The following CAB39L variants were observed in gnomAD, a reference collection of about 807,000 sequenced individuals.
CAB39L encodes the protein calcium-binding protein 39-like.
Under a neutral mutation model 39.1 loss-of-function variants are expected in CAB39L, and 23 were observed. The ratio of observed to expected loss-of-function variants is 0.59; its 90% CI spans 0.42 to 0.83. The LOEUF is 0.83. Among genes scored for constraint, CAB39L ranks in the 40% least tolerant of loss-of-function variants. CAB39L has a pLI of 0.00. For synonymous variants in CAB39L, 126 were observed against 137.2 expected (o/e 0.92, Z 0.57); for missense variants, 366 against 391.9 (o/e 0.93, Z 0.56).
chr13:49,396,264 T>A (rs1027979610), intron 3 of CAB39L, among the ~76,000 whole-genome samples: 2 of 152,230 alleles, frequency 1.3e-5, no homozygotes, highest in Admixed American at 6.5e-5. Flanking sequence ...AAATGAACCT[T>A]CTTTTCCTCA....
At chr13:49,359,113 C>G (rs916430199) in intron 6 of CAB39L, among the ~76,000 whole-genome samples, 1 of 152,128 alleles carries the variant, frequency 6.6e-6, no homozygotes, top group Non-Finnish European at 1.5e-5. Flanking sequence ...CTGCTGTCCT[C>G]AAGCTTTGCT....
intron 10 of CAB39L, among the ~76,000 whole-genome samples, chr13:49,327,335 G>T (rs886146652): frequency 6.6e-6 from 1 of 151,986 alleles, no homozygotes; most frequent in Non-Finnish European, 1.5e-5. Flanking sequence ...ACAGAGTCTC[G>T]CTCAGTCACC....
intron 5 of CAB39L, among the ~76,000 whole-genome samples, chr13:49,371,344 T>A (rs977036611): frequency 5.9e-5 from 9 of 152,090 alleles, no homozygotes; most frequent in African/African-American, 2.2e-4. Flanking sequence ...CATGCCACCA[T>A]GGCCACGGCT....
chr13:49,352,114 T>C (rs967370304), intron 6 of CAB39L, among the ~76,000 whole-genome samples: 7 of 152,068 alleles, frequency 4.6e-5, no homozygotes, highest in South Asian at 2.1e-4. Context: ...TGTGGACTGA[T>C]TGACTCACTT....
At chr13:49,442,769 C>T (rs964526793) in intron 1 of CAB39L, among the ~76,000 whole-genome samples, 1 of 122,716 alleles carries the variant, frequency 8.1e-6, no homozygotes, top group African/African-American at 3.5e-5. Flanking sequence ...CCAGCATAGG[C>T]GACAAGAGAC....
chr13:49,440,998 G>C lies in CAB39L; in HGVS notation c.-246+2988C>G, dbSNP rs75747075. ...TGCCTTTTGTTTCTCTTGCCTGATTGCTCTGGCTAGAACTTCCTACGTATC... is the reference window on the plus strand; with the variant it reads ...TGCCTTTTGTTTCTCTTGCCTGATTCCTCTGGCTAGAACTTCCTACGTATC... On this transcript the variant is annotated intron_variant, in intron 1 of 10. Transcript: ENST00000409308. Among the ~76,000 whole-genome samples the C allele has an allele frequency of 1.9e-3, 287 of 151,832 alleles. 3 individuals are homozygous for C. The East Asian group carries it at 0.025, about 13-fold the overall frequency.
At chr13:49,416,165 G>C (rs1453584038) in intron 3 of CAB39L, among the ~76,000 whole-genome samples, 1 of 152,184 alleles carries the variant, frequency 6.6e-6, no homozygotes, top group East Asian at 1.9e-4. Context: ...TTCATGGATG[G>C]GGAGGTGCAA....
At chr13:49,351,043 A>G in intron 6 of CAB39L, 131 bp from the exon 7 acceptor site, 4 of 597,718 alleles carry the variant, frequency 6.7e-6, no homozygotes, top group Non-Finnish European at 1.0e-5. Context: ...TTCATTCAAT[A>G]TCCACTGAAG....
intron 5 of CAB39L, among the ~76,000 whole-genome samples, chr13:49,362,593 G>A (rs764832521): frequency 3.3e-5 from 5 of 151,528 alleles, no homozygotes; most frequent in Non-Finnish European, 5.9e-5. Context: ...GAATGCCTAC[G>A]AGATCTAGGA....
In CAB39L at chr13:49,390,370, A is replaced by C. The variant is rs1293904991; in HGVS notation, c.-31-7429T>G. On this transcript the variant is annotated intron_variant, in intron 3 of 10. Transcript: ENST00000409308. ...TAAGTGATCCTCCCACCTCAGCCTTACAAAGTCCTGGGATAATAGGCGTGA... is the reference window on the plus strand; with the variant it reads ...TAAGTGATCCTCCCACCTCAGCCTTCCAAAGTCCTGGGATAATAGGCGTGA... Among the ~76,000 whole-genome samples, 61 of 152,138 alleles carry C rather than the reference A, an allele frequency of 4.0e-4. 1 individual carries two copies. Among genetic ancestry groups the C allele is most frequent in the Non-Finnish European group, 1.5e-5 (1 of 68,028 alleles).
chr13:49,416,568 C>T (rs1254121034), intron 3 of CAB39L, among the ~76,000 whole-genome samples: 1 of 152,144 alleles, frequency 6.6e-6, no homozygotes, highest in East Asian at 1.9e-4. Context: ...GACCTGTAGG[C>T]ACTATGTAAC....
chr13:49,385,731 CAG>C (rs1238884053), intron 3 of CAB39L, among the ~76,000 whole-genome samples: 3 of 152,148 alleles, frequency 2.0e-5, no homozygotes, highest in Non-Finnish European at 4.4e-5. Flanking sequence ...GAAAGTGAGA[CAG>C]GGGAACGGCC....
chr13:49,327,602 A>C (rs9535202), intron 10 of CAB39L, among the ~76,000 whole-genome samples: 45,443 of 151,922 alleles, frequency 0.3, 8,288 homozygotes, highest in African/African-American at 0.52. Flanking sequence ...CCATGCCCGG[A>C]TTCCATGCAT....
chr13:49,340,866 C>T (rs1037629352), intron 8 of CAB39L, among the ~76,000 whole-genome samples: 1 of 152,126 alleles, frequency 6.6e-6, no homozygotes, highest in African/African-American at 2.4e-5. Context: ...TCTCAGAGCT[C>T]GCATTCAGGC....
rs576641445 is a variant in CAB39L at position 49,367,143 on chromosome 13, T to C, written c.277-7311A>G. On this transcript the variant is annotated intron_variant, in intron 5 of 10. Transcript: ENST00000409308. Reference sequence around the variant, plus strand: ...GAGTTTGAGAGTAGCCTGGGCAACATAGCAAGACCCCATCTCTACTTAAAA... The same window carrying C: ...GAGTTTGAGAGTAGCCTGGGCAACACAGCAAGACCCCATCTCTACTTAAAA... Among the ~76,000 whole-genome samples, 12 of 152,080 alleles carry C rather than the reference T, an allele frequency of 7.9e-5. No homozygotes were observed. In the South Asian group the frequency reaches 2.3e-3, roughly 29 times the overall value.
intron 7 of CAB39L, among the ~76,000 whole-genome samples, chr13:49,344,951 C>G (rs1018217018): frequency 2.6e-5 from 4 of 152,128 alleles, no homozygotes; most frequent in African/African-American, 9.7e-5. Flanking sequence ...AGATGAGTAG[C>G]CCTATCTTAT....
chr13:49,339,070 T>G (rs2138420546), intron 9 of CAB39L, among the ~76,000 whole-genome samples: 1 of 151,794 alleles, frequency 6.6e-6, no homozygotes, highest in Non-Finnish European at 1.5e-5. Flanking sequence ...TAAGAATTTA[T>G]CAATTGCTGT....
Position 49,377,351 on chromosome 13 carries a change from G to T in CAB39L, c.112-220C>A, listed in dbSNP as rs559620545. The stretch of plus-strand genomic sequence containing the variant: ...TTTACATATCAAAGGTTGCCAGCCT[G>T]GCTCTAAGAGCCGGGGCTATACAAG... On this transcript the variant is annotated intron_variant, in intron 4 of 10. Transcript: ENST00000409308. 5.9e-3 allele frequency among the ~76,000 whole-genome samples: 224 copies of T among 38,228 alleles called. 59 individuals are homozygous for T. Among genetic ancestry groups the T allele is most frequent in the Non-Finnish European group, 8.4e-4 (15 of 17,780 alleles). 25.1% of individuals were successfully genotyped at this position (38,228 alleles called of 152,430 possible).
intron 3 of CAB39L, among the ~76,000 whole-genome samples, chr13:49,396,945 C>T (rs888247217): frequency 2.0e-5 from 3 of 151,988 alleles, no homozygotes; most frequent in Non-Finnish European, 4.4e-5. Flanking sequence ...AATCTTAAAA[C>T]AAAAAAGTGC....
Sources: gnomAD v4.1 joint callset for allele counts (sites outside exome capture counted in the v4.1 genomes callset) on GRCh38, gnomAD v4.1.1 for gene constraint, MANE v1.5 for transcripts, NCBI Gene and HGNC (gene_info 2026-07-23, HGNC 2026-07-21) for gene names.